NOPCHAP1: variants seen among roughly 807,000 people sequenced by gnomAD.
NOPCHAP1 encodes NOP protein chaperone 1, also known as DNA damage-sensitive RNA 1.
A neutral mutation model predicts 14.0 loss-of-function variants in NOPCHAP1; 13 were observed. That is an observed-to-expected ratio of 0.93 (90% CI 0.60 to 1.47). The LOEUF (loss-of-function observed/expected upper bound fraction) is 1.47, where lower values mean the gene tolerates loss of function less well. Ranked by LOEUF, NOPCHAP1 falls within the 40% of genes most tolerant of loss-of-function variation. The probability of loss-of-function intolerance (pLI) is 0.00; values close to 1 mark genes in which losing one functional copy is unlikely to be tolerated. For missense variants in NOPCHAP1, 230 were observed against 226.9 expected (o/e 1.01, Z -0.09); for synonymous variants, 78 against 78.4 (o/e 1.00, Z 0.03).
At position 104,986,462 on chromosome 12, in the gene NOPCHAP1, G is replaced by A. The variant is rs754078464; in HGVS notation, c.110G>A (p.Arg37His). The A allele has an allele frequency of 1.1e-5, 17 of 1,600,428 alleles. No individual in the cohort carries two copies. The highest frequency in any genetic ancestry group is 1.4e-5 in the Non-Finnish European group (17 of 1,172,436). Residue 37 changes from arginine to histidine, a missense_variant, in exon 1 of 4, where the codon CGC (arginine) becomes CAC (histidine). By Grantham distance (29) the Arg-to-His change is conservative. Transcript: ENST00000552951. ...KELLTAGSDG[R>H]GGIWDRLLIN... ...CTGCTGACGGCGGGAAGCGACGGCC[G>A]CGGAGGTGACGGACGGGTGACGGCG...
At position 104,986,330 on chromosome 12, in the gene NOPCHAP1, G is replaced by A. The variant is rs1199685896; in HGVS notation, c.-23G>A. 6.3e-7 allele frequency: 1 copy of A among 1,586,534 alleles called. No individual in the cohort carries two copies. The highest frequency in any genetic ancestry group is 2.3e-5 in the East Asian group (1 of 43,694). ...GAGCCTTTTTCCTGCATCCGGGCCT[G>A]AGAGTGCAGGCTTGAGGGAAGCATG... On this transcript the variant is annotated 5_prime_UTR_variant, in exon 1 of 4. Transcript: ENST00000552951.
chr12:104,990,003 A>C (rs1317493522), intron 2 of NOPCHAP1, among the ~76,000 whole-genome samples: 1 of 152,150 alleles, frequency 6.6e-6, no homozygotes, highest in Admixed American at 6.5e-5. Context: ...TTGAACATAC[A>C]AAGTATATTT....
Position 104,986,424 on chromosome 12 carries a change from A to G in NOPCHAP1, c.72A>G (p.Pro24=). The G allele has an allele frequency of 6.2e-7, 1 of 1,611,404 alleles. No homozygotes were observed. The change falls in exon 1 of 4, where the codon CCA becomes CCG. Residue 24 remains proline (P), a synonymous_variant. Transcript: ENST00000552951. The stretch of plus-strand genomic sequence containing the variant: ...CCACCCGGGATTCCTCAGGAGTCCC[A>G]GTGTCCAAGGAGCTGCTGACGGCGG... ...SSPTRDSSGV[P]VSKELLTAGS... is the part of the protein sequence containing the mutation.
rs117422536 is a variant in NOPCHAP1 at position 104,987,033 on chromosome 12, G to T, written c.115+566G>T. Among the ~76,000 whole-genome samples, 631 of 152,300 alleles carry T rather than the reference G, an allele frequency of 4.1e-3. 14 individuals are homozygous for T. The East Asian group carries it at 0.044, about 11-fold the overall frequency. On this transcript the variant is annotated intron_variant, in intron 1 of 3. Coordinates refer to ENST00000552951, the MANE Select transcript of NOPCHAP1 (RefSeq NM_152318.3). Reference sequence around the variant, plus strand: ...ACTAGTAATTAACTGGTGGGACTTAGAGTTATTTTCATTCCCTAAGCCTCA... The same window carrying T: ...ACTAGTAATTAACTGGTGGGACTTATAGTTATTTTCATTCCCTAAGCCTCA...
chr12:105,016,611 G>C lies in NOPCHAP1; in HGVS notation c.*21915G>C, dbSNP rs1873951447. The C allele has an allele frequency of 1.3e-5, 2 of 152,252 alleles. No homozygotes were observed. The highest frequency in any genetic ancestry group is 1.3e-4 in the Admixed American group (2 of 15,284). 9.4% of individuals were successfully genotyped at this position (152,252 alleles called of 1,614,324 possible). ...TCATGTCTTACATGGCAGCAGGCAA[G>C]AGAGCTTGTGTAGGGGAGCTCCCCT... On this transcript the variant is annotated 3_prime_UTR_variant, in exon 4 of 4. Transcript: ENST00000552951.
chr12:105,007,621 A>G lies in NOPCHAP1; in HGVS notation c.*12925A>G, dbSNP rs573840285. 6.6e-6 allele frequency: 1 copy of G among 152,336 alleles called. No homozygotes were observed. Among genetic ancestry groups the G allele is most frequent in the East Asian group, 1.9e-4 (1 of 5,190 alleles). The allele number at this position is 152,336 out of a possible 1,614,324, so 9.4% of individuals were successfully genotyped here. ...TGCTGCCGCCATCAACTTGTCGTCT[A>G]CATTAGGTATTCCTCCTAATACTAT... is the stretch of plus-strand genomic sequence containing the variant. On this transcript the variant is annotated 3_prime_UTR_variant, in exon 4 of 4. Coordinates refer to ENST00000552951, the MANE Select transcript of NOPCHAP1 (RefSeq NM_152318.3).
At position 105,015,161 on chromosome 12, in the gene NOPCHAP1, A is replaced by T. The variant is rs965348099; in HGVS notation, c.*20465A>T. 6.6e-6 allele frequency: 1 copy of T among 152,242 alleles called. No homozygotes were observed. Among genetic ancestry groups the T allele is most frequent in the Non-Finnish European group, 1.5e-5 (1 of 68,046 alleles). 9.4% of individuals were successfully genotyped at this position (152,242 alleles called of 1,614,324 possible). A position where few individuals can be genotyped will look rare whatever the true frequency, so the allele number is the denominator to read the frequency against. ...CACTCGCTAAATGTGTAAAGAAATG[A>T]GCAGATCTGAAACAAGATTTTTTCA... On this transcript the variant is annotated 3_prime_UTR_variant, in exon 4 of 4. Transcript: ENST00000552951.
chr12:105,005,364 A>C lies in NOPCHAP1; in HGVS notation c.*10668A>C, dbSNP rs866616039. 6.6e-6 allele frequency: 1 copy of C among 152,206 alleles called. No individual in the cohort carries two copies. Among genetic ancestry groups the C allele is most frequent in the African/African-American group, 2.4e-5 (1 of 41,448 alleles). 9.4% of individuals were successfully genotyped at this position (152,206 alleles called of 1,614,324 possible). On this transcript the variant is annotated 3_prime_UTR_variant, in exon 4 of 4. Coordinates refer to ENST00000552951, the MANE Select transcript of NOPCHAP1 (RefSeq NM_152318.3). ...TTTCTGGGGTTTAAATACCCTCTAG[A>C]GGTTTCCCATTGGTTACTTGGTTTA...
At chr12:104,992,626 G>T (rs1198352503) in intron 3 of NOPCHAP1, among the ~76,000 whole-genome samples, 1 of 152,144 alleles carries the variant, frequency 6.6e-6, no homozygotes, top group Non-Finnish European at 1.5e-5. Flanking sequence ...ACTGGTACTG[G>T]TCTGTGGCCT....
At chr12:104,992,769 T>C (rs1022476431) in intron 3 of NOPCHAP1, among the ~76,000 whole-genome samples, 6 of 152,182 alleles carry the variant, frequency 3.9e-5, no homozygotes, top group African/African-American at 1.4e-4. Context: ...GAACTGTGCA[T>C]GTAAGGGATC....
In NOPCHAP1 at chr12:105,011,494, A is replaced by G. The variant is rs1348541931; in HGVS notation, c.*16798A>G. On this transcript the variant is annotated 3_prime_UTR_variant, in exon 4 of 4. Transcript: ENST00000552951. ...TTTAATTGGGGCATTTAGTCCATTT[A>G]CATTTAAGGTTAATATTGTTATGTG... 1 of 152,168 alleles carries G rather than the reference A, an allele frequency of 6.6e-6. No homozygotes were observed. Among genetic ancestry groups the G allele is most frequent in the Admixed American group, 6.5e-5 (1 of 15,274 alleles). 9.4% of individuals were successfully genotyped at this position (152,168 alleles called of 1,614,324 possible). A position where few individuals can be genotyped will look rare whatever the true frequency, so the allele number is the denominator to read the frequency against.
rs1290663879 is a variant in NOPCHAP1, at chr12:105,008,113, A to T, written c.*13417A>T. The stretch of plus-strand genomic sequence containing the variant: ...AATGGTTGAACTAATTTACAATCCC[A>T]CCAACAGTGAAAAGTGTTCCTGTTT... On this transcript the variant is annotated 3_prime_UTR_variant, in exon 4 of 4. Coordinates refer to ENST00000552951, the MANE Select transcript of NOPCHAP1 (RefSeq NM_152318.3). 1 of 152,226 alleles carries T rather than the reference A, an allele frequency of 6.6e-6. No individual in the cohort carries two copies. Among genetic ancestry groups the T allele is most frequent in the Non-Finnish European group, 1.5e-5 (1 of 68,038 alleles). 9.4% of individuals were successfully genotyped at this position (152,226 alleles called of 1,614,324 possible). A position where few individuals can be genotyped will look rare whatever the true frequency, so the allele number is the denominator to read the frequency against.
rs1873899530 is a variant in NOPCHAP1 at position 105,014,182 on chromosome 12, ATTTG to A, written c.*19492_*19495del. 1 of 152,166 alleles carries A rather than the reference ATTTG, an allele frequency of 6.6e-6. No homozygotes were observed. The highest frequency in any genetic ancestry group is 2.4e-5 in the African/African-American group (1 of 41,448). The allele number at this position is 152,166 out of a possible 1,614,324, so 9.4% of individuals were successfully genotyped here. A position where few individuals can be genotyped will look rare whatever the true frequency, so the allele number is the denominator to read the frequency against. On this transcript the variant is annotated 3_prime_UTR_variant, in exon 4 of 4. Transcript: ENST00000552951. ...TTATGATTTAATACTGTGTCTTTGC[ATTTG>A]TTTGTATTTCTTTCAACTGCAAATG...
chr12:105,007,610 A>C lies in NOPCHAP1; in HGVS notation c.*12914A>C, dbSNP rs905857122. The C allele has an allele frequency of 5.9e-5, 9 of 152,206 alleles. No individual in the cohort carries two copies. The highest frequency in any genetic ancestry group is 2.6e-4 in the Admixed American group (4 of 15,284). The allele number at this position is 152,206 out of a possible 1,614,324, so 9.4% of individuals were successfully genotyped here. ...CCATGACGGTTTGCTGCCGCCATCA[A>C]CTTGTCGTCTACATTAGGTATTCCT... On this transcript the variant is annotated 3_prime_UTR_variant, in exon 4 of 4. Coordinates refer to ENST00000552951, the MANE Select transcript of NOPCHAP1 (RefSeq NM_152318.3).
rs1458631038 is a variant in NOPCHAP1, at chr12:104,997,676, G to A, written c.*2980G>A. 1 of 152,070 alleles carries A rather than the reference G, an allele frequency of 6.6e-6. No individual in the cohort carries two copies. The allele number at this position is 152,070 out of a possible 1,614,324, so 9.4% of individuals were successfully genotyped here. A position where few individuals can be genotyped will look rare whatever the true frequency, so the allele number is the denominator to read the frequency against. ...ACCTTGGAGGATCTGATGACTGTAT[G>A]TTTTAGGTTGGTCTGCTTGTGTAGT... On this transcript the variant is annotated 3_prime_UTR_variant, in exon 4 of 4. Transcript: ENST00000552951.
In NOPCHAP1 at chr12:104,991,830, T is replaced by C. The variant is rs1393868307; in HGVS notation, c.321T>C (p.His107=). The stretch of plus-strand genomic sequence containing the variant: ...ATATTGAAAACATTGATGGGCCTCA[T>C]AGTAAAGTTATACAAATGGTAACTA... The part of the protein sequence containing the change: ...RFNIENIDGP[H]SKVIQMDVAL... The change falls in exon 3 of 4, where the codon CAT becomes CAC. Residue 107 remains histidine, a synonymous_variant. Coordinates refer to ENST00000552951, the MANE Select transcript of NOPCHAP1 (RefSeq NM_152318.3). 47 of 1,595,082 alleles carry C rather than the reference T, an allele frequency of 2.9e-5. No individual in the cohort carries two copies. The highest frequency in any genetic ancestry group is 3.6e-5 in the Non-Finnish European group (42 of 1,169,758).
chr12:104,986,732 G>T (rs965446986), intron 1 of NOPCHAP1, among the ~76,000 whole-genome samples: 11 of 152,196 alleles, frequency 7.2e-5, no homozygotes, highest in Non-Finnish European at 1.6e-4. Flanking sequence ...CCTGCCAGGC[G>T]CCGCTGCCAG....
In NOPCHAP1 at chr12:105,014,664, T is replaced by G. The variant is rs1592753846; in HGVS notation, c.*19968T>G. 3.4e-5 allele frequency: 1 copy of G among 29,316 alleles called. No individual in the cohort carries two copies. Among genetic ancestry groups the G allele is most frequent in the Admixed American group, 2.6e-4 (1 of 3,782 alleles). The allele number at this position is 29,316 out of a possible 1,614,324, so 1.8% of individuals were successfully genotyped here. ...TTGGAAAGATCAGTTTTTAGTTGAT[T>G]TTTTTTTTTTTGTAAAGCAAAACTT... is the stretch of plus-strand genomic sequence containing the variant. On this transcript the variant is annotated 3_prime_UTR_variant, in exon 4 of 4. Coordinates refer to ENST00000552951, the MANE Select transcript of NOPCHAP1 (RefSeq NM_152318.3).
At chr12:104,987,644 A>C (rs1208677200) in intron 1 of NOPCHAP1, among the ~76,000 whole-genome samples, 1 of 152,152 alleles carries the variant, frequency 6.6e-6, no homozygotes, top group East Asian at 1.9e-4. Context: ...GAGTAGTGAG[A>C]AATGAGGCTG....
Sources: gnomAD v4.1 joint callset for allele counts (sites outside exome capture counted in the v4.1 genomes callset) on GRCh38, gnomAD v4.1.1 for gene constraint, MANE v1.5 for transcripts, NCBI Gene and HGNC (gene_info 2026-07-23, HGNC 2026-07-21) for gene names.